BICD2: variants seen among roughly 807,000 people sequenced by gnomAD.
The protein encoded by BICD2 is BICD cargo adaptor 2.
Under a neutral mutation model 72.9 loss-of-function variants are expected in BICD2, and 25 were observed. The observed-to-expected ratio is 0.34, with a 90% CI of 0.25 to 0.48. The LOEUF (loss-of-function observed/expected upper bound fraction) is 0.48, where lower values mean the gene tolerates loss of function less well. BICD2 is among the 20% of genes least tolerant of loss of function. The probability of loss-of-function intolerance (pLI) is 0.99; values close to 1 mark genes in which losing one functional copy is unlikely to be tolerated. For synonymous variants in BICD2, 501 were observed against 516.1 expected (o/e 0.97, Z 0.40); for missense variants, 894 against 1,175.2 (o/e 0.76, Z 3.50).
chr9:92,742,318 A>ATT (rs1853912498), intron 1 of BICD2, among the ~76,000 whole-genome samples: 1 of 152,102 alleles, frequency 6.6e-6, no homozygotes, highest in Non-Finnish European at 1.5e-5. Flanking sequence ...AAAGTGTACC[A>ATT]TTCAGTGGTT....
At chr9:92,739,959 G>A (rs533863298) in intron 1 of BICD2, among the ~76,000 whole-genome samples, 4 of 152,254 alleles carry the variant, frequency 2.6e-5, no homozygotes, top group African/African-American at 9.6e-5. Flanking sequence ...ACAGTCACCA[G>A]GGTTCTCAGG....
rs1220517871 is a variant in BICD2 at position 92,711,805 on chromosome 9, C to A, written c.*3349G>T. The A allele has an allele frequency of 6.6e-5, 10 of 152,408 alleles. No homozygotes were observed. Among genetic ancestry groups the A allele is most frequent in the Admixed American group, 6.5e-4 (10 of 15,268 alleles). 9.4% of individuals were successfully genotyped at this position (152,408 alleles called of 1,614,324 possible). A position where few individuals can be genotyped will look rare whatever the true frequency, so the allele number is the denominator to read the frequency against. Reference sequence around the variant, plus strand: ...AACTAGGAATAAGAAATGCTTATTCCAGGAAACAGAATTCTTTTATTTTTG... The same window carrying A: ...AACTAGGAATAAGAAATGCTTATTCAAGGAAACAGAATTCTTTTATTTTTG... On this transcript the variant is annotated 3_prime_UTR_variant, in exon 7 of 7. Transcript: ENST00000356884.
chr9:92,762,708 G>A (rs529738825), intron 1 of BICD2, among the ~76,000 whole-genome samples: 5 of 152,302 alleles, frequency 3.3e-5, no homozygotes, highest in East Asian at 1.9e-4. Flanking sequence ...GCACCAAAGC[G>A]GGGACAAGTT....
chr9:92,735,465 A>C (rs1447525111), intron 1 of BICD2, among the ~76,000 whole-genome samples: 1 of 151,966 alleles, frequency 6.6e-6, no homozygotes, highest in African/African-American at 2.4e-5. Context: ...ATCTGAGGGA[A>C]TAGCACGAGC....
chr9:92,720,302 G>T lies in BICD2; in HGVS notation c.1060C>A (p.Gln354Lys). 1 of 1,607,242 alleles carries T rather than the reference G, an allele frequency of 6.2e-7. No homozygotes were observed. The highest frequency in any genetic ancestry group is 1.3e-5 in the African/African-American group (1 of 74,980). The change falls in exon 4 of 7, where the codon CAG becomes AAG. Residue 354 changes from glutamine (Q) to lysine (K), a missense_variant and splice_region_variant. Coordinates refer to ENST00000356884, the MANE Select transcript of BICD2 (RefSeq NM_001003800.2). The surrounding 1 kb of genome is among the most constrained non-coding windows in gnomAD (Gnocchi z 5.4). ...EIQKLKQQLM[Q>K]MEREKAGLLA... is the part of the protein sequence containing the mutation. ...CGAAGGCCCCACTGCCTGCTCACCTGCATCAGCTGCTGCTTCAGCTTCTGG... is the reference window on the plus strand; with the variant it reads ...CGAAGGCCCCACTGCCTGCTCACCTTCATCAGCTGCTGCTTCAGCTTCTGG...
chr9:92,759,488 T>C (rs1854328179), intron 1 of BICD2, among the ~76,000 whole-genome samples: 1 of 152,146 alleles, frequency 6.6e-6, no homozygotes, highest in South Asian at 2.1e-4. Flanking sequence ...GCTCTGAGGG[T>C]GGCAAGGGGA....
chr9:92,724,015 G>A (rs886501854), intron 2 of BICD2, among the ~76,000 whole-genome samples: 3 of 152,130 alleles, frequency 2.0e-5, no homozygotes, highest in Non-Finnish European at 2.9e-5. Flanking sequence ...CGTTGCCAAT[G>A]TCCCCCAGGG....
intron 1 of BICD2, among the ~76,000 whole-genome samples, chr9:92,745,720 T>C (rs1042413354): frequency 2.0e-5 from 3 of 152,210 alleles, no homozygotes; most frequent in Non-Finnish European, 4.4e-5. Flanking sequence ...CAGGAGGTAT[T>C]AGCTCCTCTC....
intron 1 of BICD2, among the ~76,000 whole-genome samples, chr9:92,738,599 G>A (rs932391486): frequency 6.6e-6 from 1 of 152,212 alleles, no homozygotes; most frequent in Non-Finnish European, 1.5e-5. Flanking sequence ...TGCCCCTTCA[G>A]TCTCCGGACA....
chr9:92,742,905 G>T (rs950073565), intron 1 of BICD2, among the ~76,000 whole-genome samples: 1 of 152,048 alleles, frequency 6.6e-6, no homozygotes, highest in Non-Finnish European at 1.5e-5. Flanking sequence ...TCCCTTTCAT[G>T]GTCAAATAAT....
At chr9:92,718,079 T>C (rs985089905) in intron 5 of BICD2, 131 bp from the exon 6 acceptor site, 51 of 1,146,148 alleles carry the variant, frequency 4.4e-5, no homozygotes, top group Non-Finnish European at 6.3e-5. Context: ...GGGAGGCCCC[T>C]CCCTGTGACA....
At chr9:92,748,609 T>C (rs1447914363) in intron 1 of BICD2, among the ~76,000 whole-genome samples, 1 of 152,054 alleles carries the variant, frequency 6.6e-6, no homozygotes, top group African/African-American at 2.4e-5. Flanking sequence ...TGGGATCCCA[T>C]GGGTGTTATA....
In BICD2 at chr9:92,720,345, C is replaced by T. The variant is rs745818814; in HGVS notation, c.1017G>A (p.Glu339=). The part of the protein sequence containing the change: ...SPSLVSDLLS[E]LNISEIQKLK... ...GCTTCTGGATCTCAGAGATGTTGAG[C>T]TCACTGAGTAGGTCGGAGACGAGGC... Residue 339 remains glutamate, a synonymous_variant, in exon 4 of 7, where the codon GAG becomes GAA. Transcript: ENST00000356884. The surrounding 1 kb of genome is among the most constrained non-coding windows in gnomAD (Gnocchi z 5.4). 1.2e-6 allele frequency: 2 copies of T among 1,613,678 alleles called. No homozygotes were observed. Among genetic ancestry groups the T allele is most frequent in the Non-Finnish European group, 1.7e-6 (2 of 1,179,896 alleles).
rs768579683 is a variant in BICD2, at chr9:92,719,563, C to T, written c.1082G>A (p.Gly361Asp). The T allele has an allele frequency of 1.9e-6, 3 of 1,603,944 alleles. No homozygotes were observed. The African/African-American group carries it at 4.0e-5, about 21-fold the overall frequency. The part of the protein sequence containing the change: ...QLMQMEREKA[G>D]LLATLQDTQK... ...TGTGTCCTGCAGCGTTGCCAGCAGGCCCGCCTTTTCCCGCTCCATCTGCAA... is the reference window on the plus strand; with the variant it reads ...TGTGTCCTGCAGCGTTGCCAGCAGGTCCGCCTTTTCCCGCTCCATCTGCAA... The change falls in exon 5 of 7, where the codon GGC becomes GAC. Residue 361 changes from glycine (G) to aspartate (D), a missense_variant. Gly to Asp is a moderately conservative substitution (Grantham distance 94). This residue lies in a region of BICD2 where 371 missense variants were observed against 439.1 expected (regional missense o/e 0.84). Coordinates refer to ENST00000356884, the MANE Select transcript of BICD2 (RefSeq NM_001003800.2).
At chr9:92,743,483 C>CCGT (rs1362357533) in intron 1 of BICD2, among the ~76,000 whole-genome samples, 1 of 151,484 alleles carries the variant, frequency 6.6e-6, no homozygotes, top group Non-Finnish European at 1.5e-5. Context: ...GCACAAGATA[C>CCGT]CGTGTTCAGC....
In BICD2 at chr9:92,718,996, T is replaced by C. The variant is rs754018322; in HGVS notation, c.1649A>G (p.Asn550Ser). 1.2e-5 allele frequency: 20 copies of C among 1,611,602 alleles called. No homozygotes were observed. Among genetic ancestry groups the C allele is most frequent in the South Asian group, 2.2e-5 (2 of 91,050 alleles). The change falls in exon 5 of 7, where the codon AAC becomes AGC. Residue 550 changes from asparagine to serine, a missense_variant. Around this residue, in one of 5 missense-constraint regions of BICD2, gnomAD observed 321 missense variants for 443.9 expected, o/e 0.72. Coordinates refer to ENST00000356884, the MANE Select transcript of BICD2 (RefSeq NM_001003800.2). ...GCGGTAGTAGTCCAGCATGACACGG[T>C]TGGGTGTCTCATTGTTGCACATGCA... ...HVCMCNNETP[N>S]RVMLDYYREG...
chr9:92,754,376 T>C (rs150987479), intron 1 of BICD2, among the ~76,000 whole-genome samples: 9 of 152,300 alleles, frequency 5.9e-5, no homozygotes, highest in African/African-American at 2.2e-4. Context: ...CTAGTGTTTT[T>C]TGAGGAGAAA....
chr9:92,756,727 C>T (rs970460434), intron 1 of BICD2, among the ~76,000 whole-genome samples: 9 of 151,638 alleles, frequency 5.9e-5, no homozygotes, highest in East Asian at 2.0e-4. Context: ...GTTAGCCAGA[C>T]GTGGTGGTGC....
rs1853628487 is a variant in BICD2, at chr9:92,729,123, C to T, written c.354G>A (p.Val118=). 1.2e-6 allele frequency: 2 copies of T among 1,614,138 alleles called. No homozygotes were observed. Among genetic ancestry groups the T allele is most frequent in the Non-Finnish European group, 1.7e-6 (2 of 1,180,062 alleles). ...GCTTCAGCTCCGTCTGCAGCTCTAG[C>T]ACCTTCCGCACGTAGTACTGCTCCT... ...ASKEQYYVRK[V]LELQTELKQL... Residue 118 remains valine, a synonymous_variant, in exon 2 of 7, where the codon GTG becomes GTA. Transcript: ENST00000356884.
Sources: gnomAD v4.1 joint callset for allele counts (sites outside exome capture counted in the v4.1 genomes callset) on GRCh38, gnomAD v4.1.1 for gene constraint, gnomAD v4.1.1 regional missense constraint, Gnocchi (gnomAD v3.1) non-coding constraint, MANE v1.5 for transcripts, NCBI Gene and HGNC (gene_info 2026-07-23, HGNC 2026-07-21) for gene names.